LIPC: variants seen among roughly 807,000 people sequenced by gnomAD.
LIPC encodes the protein hepatic triacylglycerol lipase.
A neutral mutation model predicts 50.7 loss-of-function variants in LIPC; 44 were observed. That is an observed-to-expected ratio of 0.87 (90% CI 0.68 to 1.11). LIPC has a LOEUF of 1.11. Among genes scored for constraint, LIPC ranks in the 50% most tolerant of loss-of-function variants. The pLI is 0.00. For synonymous variants in LIPC, 271 were observed against 256.4 expected (o/e 1.06, Z -0.54); for missense variants, 697 against 648.2 (o/e 1.08, Z -0.82).
chr15:58,476,865 C>A (rs942210306), intron 1 of LIPC, among the ~76,000 whole-genome samples: 2 of 152,204 alleles, frequency 1.3e-5, no homozygotes, highest in African/African-American at 4.8e-5. Context: ...TAGTAGGGAG[C>A]TCAGAGGAAA....
intron 1 of LIPC, among the ~76,000 whole-genome samples, chr15:58,474,739 C>T (rs901531951): frequency 6.6e-6 from 1 of 152,104 alleles, no homozygotes; most frequent in Non-Finnish European, 1.5e-5. Flanking sequence ...CCTCTCTGCC[C>T]AGGGTGAGCA....
chr15:58,509,231 C>T (rs543308804), intron 1 of LIPC, among the ~76,000 whole-genome samples: 15 of 152,208 alleles, frequency 9.9e-5, no homozygotes, highest in African/African-American at 3.6e-4. Context: ...CAGCTTGATT[C>T]CTCCTCAGAT....
intron 8 of LIPC, chr15:58,565,484 G>A (rs778229789): frequency 1.9e-4 from 261 of 1,393,660 alleles, no homozygotes; most frequent in Non-Finnish European, 2.4e-4. Flanking sequence ...TCCCACACGG[G>A]GTGAGCATTG....
intron 7 of LIPC, 142 bp downstream of exon 7, chr15:58,561,123 G>T: frequency 1.4e-6 from 1 of 697,790 alleles, no homozygotes; most frequent in Non-Finnish European, 2.7e-6. Flanking sequence ...TGAGACACAT[G>T]TCAATCAATT....
At chr15:58,503,174 A>G (rs1892041643) in intron 1 of LIPC, among the ~76,000 whole-genome samples, 1 of 151,794 alleles carries the variant, frequency 6.6e-6, no homozygotes, top group Admixed American at 6.5e-5. Context: ...CATGTCAAAA[A>G]GGGGGAAACT....
intron 1 of LIPC, among the ~76,000 whole-genome samples, chr15:58,532,124 G>A (rs1892978624): frequency 6.6e-6 from 1 of 152,194 alleles, no homozygotes. Context: ...GGAGGGTCAG[G>A]TGTCCAGGTC....
intron 1 of LIPC, among the ~76,000 whole-genome samples, chr15:58,462,536 C>G (rs1197904480): frequency 6.6e-6 from 1 of 152,224 alleles, no homozygotes; most frequent in Non-Finnish European, 1.5e-5. Context: ...CTTTCTTTCT[C>G]TCTCCTTCCC....
At chr15:58,493,230 G>A (rs1329510029) in intron 1 of LIPC, among the ~76,000 whole-genome samples, 2 of 152,102 alleles carry the variant, frequency 1.3e-5, no homozygotes, top group African/African-American at 4.8e-5. Flanking sequence ...AAGGCGAGGA[G>A]GTTCTCTCTG....
At chr15:58,438,489 A>G (rs1482523191) in intron 1 of LIPC, among the ~76,000 whole-genome samples, 2 of 152,004 alleles carry the variant, frequency 1.3e-5, no homozygotes, top group Non-Finnish European at 2.9e-5. Context: ...CTAGGGGCCA[A>G]TAGGACCCTC....
At chr15:58,502,157 A>T (rs1892005300) in intron 1 of LIPC, among the ~76,000 whole-genome samples, 2 of 152,156 alleles carry the variant, frequency 1.3e-5, no homozygotes, top group Non-Finnish European at 2.9e-5. Flanking sequence ...GGGCAGGAAG[A>T]AGCAGGCACA....
chr15:58,470,284 A>T (rs1894746400), intron 1 of LIPC, among the ~76,000 whole-genome samples: 1 of 152,158 alleles, frequency 6.6e-6, no homozygotes, highest in South Asian at 2.1e-4. Flanking sequence ...TTGTTCAGAG[A>T]AGAGGGTGTT....
At chr15:58,487,023 G>A (rs1891400132) in intron 1 of LIPC, among the ~76,000 whole-genome samples, 1 of 152,180 alleles carries the variant, frequency 6.6e-6, no homozygotes, top group African/African-American at 2.4e-5. Flanking sequence ...CTCACACTGT[G>A]CTAGGATGAT....
chr15:58,459,212 G>C (rs1380636895), intron 1 of LIPC, among the ~76,000 whole-genome samples: 1 of 152,072 alleles, frequency 6.6e-6, no homozygotes, highest in Non-Finnish European at 1.5e-5. Context: ...ACTGCAAGAC[G>C]ACCTCTGGGT....
chr15:58,541,241 T>A (rs11631482), intron 2 of LIPC, among the ~76,000 whole-genome samples: 13,627 of 152,110 alleles, frequency 0.09, 795 homozygotes, highest in East Asian at 0.32. Context: ...TCTGTAAACA[T>A]TTTTTACCTC....
intron 1 of LIPC, among the ~76,000 whole-genome samples, chr15:58,508,567 T>C (rs12324517): frequency 0.48 from 72,341 of 152,000 alleles, 17,335 homozygotes; most frequent in East Asian, 0.62. Context: ...CATCCCTTTA[T>C]TAGTATTGAA....
chr15:58,478,459 G>C (rs1397766053), intron 1 of LIPC, among the ~76,000 whole-genome samples: 1 of 152,036 alleles, frequency 6.6e-6, no homozygotes, highest in African/African-American at 2.4e-5. Context: ...GGCTGGTCTC[G>C]AGCTCCTGAC....
chr15:58,541,277 A>G (rs1176163855), intron 2 of LIPC, among the ~76,000 whole-genome samples: 2 of 152,106 alleles, frequency 1.3e-5, no homozygotes, highest in African/African-American at 4.8e-5. Context: ...CACAGTGCCC[A>G]TCCCGCTAAG....
intron 1 of LIPC, among the ~76,000 whole-genome samples, chr15:58,491,762 A>T (rs1350764799): frequency 6.6e-6 from 1 of 152,210 alleles, no homozygotes; most frequent in African/African-American, 2.4e-5. Flanking sequence ...GACCAGAGGT[A>T]CAAAGCACTG....
intron 1 of LIPC, among the ~76,000 whole-genome samples, chr15:58,471,335 G>GGGT (rs1555399309): frequency 4.3e-5 from 6 of 141,080 alleles, no homozygotes; most frequent in South Asian, 2.4e-4. Flanking sequence ...AGATGGGGGG[G>GGGT]GGTGGTCTCA....
Sources: allele counts gnomAD v4.1 joint callset (sites outside exome capture counted in the v4.1 genomes callset), GRCh38; gene constraint gnomAD v4.1.1; transcripts MANE v1.5; gene names NCBI Gene and HGNC (gene_info 2026-07-23, HGNC 2026-07-21).